SLC24A2: variants seen among roughly 807,000 people sequenced by gnomAD.
The protein encoded by SLC24A2 is solute carrier family 24 member 2, also known as sodium/potassium/calcium exchanger 2.
In SLC24A2, 36 loss-of-function variants were observed where a neutral mutation model predicts 62.0. That is an observed-to-expected ratio of 0.58 (90% CI 0.44 to 0.77). The LOEUF (loss-of-function observed/expected upper bound fraction) is 0.77, where lower values mean the gene tolerates loss of function less well. Among genes scored for constraint, SLC24A2 ranks in the 30% least tolerant of loss-of-function variants. SLC24A2 has a pLI of 0.00. For synonymous variants in SLC24A2, 358 were observed against 294.0 expected, an observed-to-expected ratio of 1.22 and a Z score of -2.23; for missense variants, 846 against 817.9, an observed-to-expected ratio of 1.03 and a Z score of -0.42.
rs1249112875 is a variant in SLC24A2 at position 19,513,190 on chromosome 9, A to ATATATATG, written c.*2962_*2963insCATATATA. 1 of 142,356 alleles carries ATATATATG rather than the reference A, an allele frequency of 7.0e-6. No homozygotes were observed. The highest frequency in any genetic ancestry group is 2.7e-5 in the African/African-American group (1 of 37,428). 8.8% of individuals were successfully genotyped at this position (142,356 alleles called of 1,614,324 possible). ...TATATATATATGTATATATATATAT[A>ATATATATG]TGTATATATTTATATATGTATATAC... On this transcript the variant is annotated 3_prime_UTR_variant, in exon 11 of 11. Coordinates refer to ENST00000341998, the MANE Select transcript of SLC24A2 (RefSeq NM_020344.4).
chr9:20,292,653 T>A, the SLC24A2 span, among the ~76,000 whole-genome samples: 22,252 of 152,148 alleles, frequency 0.15, 1,847 homozygotes, highest in East Asian at 0.32. Context: ...TCACTCAGGT[T>A]GGAGTGCAAT....
intron 9 of SLC24A2, among the ~76,000 whole-genome samples, chr9:19,525,732 T>C (rs141200939): frequency 2.9e-4 from 44 of 150,476 alleles, no homozygotes; most frequent in African/African-American, 1.0e-3. Context: ...TATGCAGCCA[T>C]GTTTCTCCAC....
chr9:19,588,984 G>T (rs1264754581), intron 5 of SLC24A2, among the ~76,000 whole-genome samples: 1 of 152,138 alleles, frequency 6.6e-6, no homozygotes, highest in Non-Finnish European at 1.5e-5. Context: ...GCTGTCTGAG[G>T]CTCTGCAATT....
chr9:20,248,641 T>C, the SLC24A2 span, among the ~76,000 whole-genome samples: 12 of 152,260 alleles, frequency 7.9e-5, no homozygotes, highest in East Asian at 1.5e-3. Flanking sequence ...TACCATCGCA[T>C]TGGGGATTTA....
chr9:19,613,311 G>A (rs1251913006), intron 4 of SLC24A2, among the ~76,000 whole-genome samples: 3 of 152,186 alleles, frequency 2.0e-5, no homozygotes, highest in Non-Finnish European at 4.4e-5. Flanking sequence ...CTATATGCCT[G>A]CCAAACACAA....
chr9:20,010,984 C>T, the SLC24A2 span, among the ~76,000 whole-genome samples: 2 of 151,992 alleles, frequency 1.3e-5, no homozygotes, highest in Non-Finnish European at 1.5e-5. Flanking sequence ...GTATATGTGC[C>T]ACATTTTCTT....
chr9:19,773,495 T>G (rs1481802147), intron 2 of SLC24A2, among the ~76,000 whole-genome samples: 1 of 152,218 alleles, frequency 6.6e-6, no homozygotes, highest in Non-Finnish European at 1.5e-5. Context: ...TAATGATTCC[T>G]CTTTCATAAG....
At chr9:20,014,517 T>TACAC in the SLC24A2 span, among the ~76,000 whole-genome samples, 1,345 of 148,446 alleles carry the variant, frequency 9.1e-3, 15 homozygotes, top group African/African-American at 0.029. Context: ...TATATATATA[T>TACAC]ACACACACAC....
intron 5 of SLC24A2, among the ~76,000 whole-genome samples, chr9:19,589,042 T>C (rs1836466610): frequency 6.6e-6 from 1 of 152,242 alleles, no homozygotes; most frequent in African/African-American, 2.4e-5. Context: ...GGAGGGCAAT[T>C]TGACAAATAT....
At chr9:19,592,474 C>T (rs1180658753) in intron 5 of SLC24A2, among the ~76,000 whole-genome samples, 1 of 50,176 alleles carries the variant, frequency 2.0e-5, no homozygotes, top group Non-Finnish European at 4.2e-5. Flanking sequence ...GGATATCTAC[C>T]GACCTACCTA....
chr9:19,585,873 C>A (rs1024799184), intron 5 of SLC24A2, among the ~76,000 whole-genome samples: 6 of 152,112 alleles, frequency 3.9e-5, no homozygotes, highest in Non-Finnish European at 8.8e-5. Context: ...ATAAGAATGA[C>A]CTTTGTGGCC....
chr9:19,958,572 C>T, the SLC24A2 span, among the ~76,000 whole-genome samples: 3 of 152,156 alleles, frequency 2.0e-5, no homozygotes, highest in Non-Finnish European at 4.4e-5. Flanking sequence ...TCTAGGATTC[C>T]AGTGTTAACT....
intron 2 of SLC24A2, among the ~76,000 whole-genome samples, chr9:19,627,636 T>A (rs576819512): frequency 6.6e-6 from 1 of 152,158 alleles, no homozygotes; most frequent in Non-Finnish European, 1.5e-5. Context: ...AGCAATCCTC[T>A]TGCTTCAGCC....
At chr9:20,139,152 C>G in the SLC24A2 span, among the ~76,000 whole-genome samples, 3 of 152,128 alleles carry the variant, frequency 2.0e-5, no homozygotes, top group Non-Finnish European at 4.4e-5. Context: ...GAAAGTACAG[C>G]TAGTCTTTTA....
At chr9:19,643,045 TA>T (rs754491011) in intron 2 of SLC24A2, among the ~76,000 whole-genome samples, 5 of 147,444 alleles carry the variant, frequency 3.4e-5, no homozygotes, top group Admixed American at 6.8e-5. Context: ...GTCTGCCTTA[TA>T]AAAAATCAGT....
At chr9:19,698,538 A>C (rs1435754187) in intron 2 of SLC24A2, among the ~76,000 whole-genome samples, 1 of 152,206 alleles carries the variant, frequency 6.6e-6, no homozygotes, top group East Asian at 1.9e-4. Flanking sequence ...TAGATTTGTA[A>C]AATCTCCTTC....
the SLC24A2 span, among the ~76,000 whole-genome samples, chr9:20,274,097 G>C: frequency 3.9e-5 from 6 of 152,184 alleles, no homozygotes; most frequent in Non-Finnish European, 7.3e-5. Flanking sequence ...TGAGCACTGA[G>C]GATATAAGAG....
At chr9:19,705,661 T>C (rs1820491891) in intron 2 of SLC24A2, 4 of 212,636 alleles carry the variant, frequency 1.9e-5, no homozygotes, top group African/African-American at 4.6e-5. Flanking sequence ...CCTTTGAACA[T>C]CTTTATTTCT....
chr9:19,519,746 A>G (rs946530631), intron 10 of SLC24A2, among the ~76,000 whole-genome samples: 1 of 152,190 alleles, frequency 6.6e-6, no homozygotes, highest in African/African-American at 2.4e-5. Flanking sequence ...GGCCCAGGGG[A>G]ATCAGAGAAA....
Sources: gnomAD v4.1 joint callset for allele counts (sites outside exome capture counted in the v4.1 genomes callset) on GRCh38, gnomAD v4.1.1 for gene constraint, MANE v1.5 for transcripts, NCBI Gene and HGNC (gene_info 2026-07-23, HGNC 2026-07-21) for gene names.